Variants in EBF1 observed in about 807,000 individuals in gnomAD.
EBF1 encodes EBF transcription factor 1.
EBF1 carries 10 observed loss-of-function variants against 68.4 expected under a neutral mutation model. The ratio of observed to expected loss-of-function variants is 0.15; its 90% confidence interval spans 0.09 to 0.25. The LOEUF is 0.25. Ranked by LOEUF, EBF1 falls within the 10% of genes least tolerant of loss-of-function variation. The pLI is 1.00. For synonymous variants in EBF1, 298 were observed against 299.8 expected (o/e 0.99, Z 0.06); for missense variants, 509 against 794.4 (o/e 0.64, Z 4.32).
At chr5:158,827,618 T>C (rs1421807636) in intron 7 of EBF1, among the ~76,000 whole-genome samples, 3 of 152,188 alleles carry the variant, frequency 2.0e-5, no homozygotes, top group Admixed American at 6.6e-5. Flanking sequence ...CTTCCCTTCA[T>C]GTCAGGCAGG....
intron 6 of EBF1, among the ~76,000 whole-genome samples, chr5:158,951,711 G>A (rs1816039361): frequency 6.6e-6 from 1 of 152,116 alleles, no homozygotes; most frequent in Non-Finnish European, 1.5e-5. Context: ...TCTCTGATTG[G>A]GACCAAGAGG....
chr5:158,916,796 C>A (rs74845932), intron 6 of EBF1, among the ~76,000 whole-genome samples: 1 of 152,184 alleles, frequency 6.6e-6, no homozygotes, highest in Non-Finnish European at 1.5e-5. Context: ...TTACTCTGGA[C>A]CACCATGACT....
intron 6 of EBF1, among the ~76,000 whole-genome samples, chr5:158,941,902 C>G (rs1167057753): frequency 2.6e-5 from 4 of 152,032 alleles, no homozygotes; most frequent in Non-Finnish European, 5.9e-5. Context: ...AGTGATTCGT[C>G]GGATGGGAAG....
chr5:158,799,637 C>A (rs1269581398), intron 8 of EBF1, among the ~76,000 whole-genome samples: 1 of 152,126 alleles, frequency 6.6e-6, no homozygotes, highest in South Asian at 2.1e-4. Flanking sequence ...ACGAATGCAG[C>A]AGCTCAGGAT....
chr5:158,815,862 G>T (rs551326277), intron 8 of EBF1, among the ~76,000 whole-genome samples: 1 of 152,308 alleles, frequency 6.6e-6, no homozygotes, highest in South Asian at 2.1e-4. Context: ...TTCAAGGAAA[G>T]ACAAAAGGCA....
chr5:159,005,333 AG>A (rs892603238), intron 6 of EBF1, among the ~76,000 whole-genome samples: 1 of 152,226 alleles, frequency 6.6e-6, no homozygotes, highest in East Asian at 1.9e-4. Flanking sequence ...ATTGTCAGTA[AG>A]GGAGAGTGTA....
At chr5:158,945,151 C>T (rs1814372523) in intron 6 of EBF1, among the ~76,000 whole-genome samples, 1 of 152,146 alleles carries the variant, frequency 6.6e-6, no homozygotes, top group Admixed American at 6.5e-5. Flanking sequence ...TTGCCCATGC[C>T]TATGTCCTAA....
chr5:158,860,008 AC>A (rs1794701284), intron 6 of EBF1, among the ~76,000 whole-genome samples: 1 of 152,226 alleles, frequency 6.6e-6, no homozygotes. Context: ...GAATAAATGA[AC>A]ATTAGTCTAA....
At position 158,796,369 on chromosome 5, in the gene EBF1, G is replaced by A. The variant is rs372984461; in HGVS notation, c.885C>T (p.Phe295=). The part of the protein sequence containing the change: ...DNFFDGLQVI[F]GTMLVWSELI... ...CCTCACTCCAGACCAGCATGGTACC[G>A]AATATGACCTGTAACCCATCAAAGA... The change falls in exon 9 of 16, where the codon TTC becomes TTT. Residue 295 remains phenylalanine, a synonymous_variant. Transcript: ENST00000313708. The A allele has an allele frequency of 6.4e-5, 104 of 1,613,192 alleles. No individual in the cohort carries two copies. The highest frequency in any genetic ancestry group is 4.9e-4 in the Middle Eastern group (3 of 6,074).
chr5:158,718,719 C>T (rs1761282999), intron 11 of EBF1, among the ~76,000 whole-genome samples: 1 of 152,166 alleles, frequency 6.6e-6, no homozygotes, highest in Admixed American at 6.5e-5. Flanking sequence ...CAGAGCCTGG[C>T]TCTTGAAAAT....
At chr5:158,784,407 T>C (rs1434373017) in intron 9 of EBF1, among the ~76,000 whole-genome samples, 1 of 152,196 alleles carries the variant, frequency 6.6e-6, no homozygotes, top group African/African-American at 2.4e-5. Context: ...TCTGCAGCTT[T>C]TCCCATACCT....
intron 9 of EBF1, among the ~76,000 whole-genome samples, chr5:158,787,263 C>G (rs73297923): frequency 6.6e-6 from 1 of 152,144 alleles, no homozygotes; most frequent in Admixed American, 6.5e-5. Context: ...ATGAGCTGCA[C>G]AGTAATATAG....
At chr5:158,831,733 C>T (rs182491188) in intron 7 of EBF1, among the ~76,000 whole-genome samples, 47 of 152,242 alleles carry the variant, frequency 3.1e-4, no homozygotes, top group African/African-American at 8.9e-4. Context: ...AACTCCTGGC[C>T]TCAAGTGATC....
chr5:158,735,187 A>G (rs1764919546), intron 10 of EBF1, among the ~76,000 whole-genome samples: 1 of 152,164 alleles, frequency 6.6e-6, no homozygotes, highest in African/African-American at 2.4e-5. Context: ...CCAAAGACAG[A>G]TGAAATCCTC....
chr5:158,822,824 C>T (rs1785152032), intron 8 of EBF1, among the ~76,000 whole-genome samples: 1 of 152,082 alleles, frequency 6.6e-6, no homozygotes, highest in Non-Finnish European at 1.5e-5. Context: ...AATTGTGTGG[C>T]CTTTCCTTAT....
At chr5:159,074,444 A>G (rs2127948344) in intron 5 of EBF1, among the ~76,000 whole-genome samples, 1 of 152,344 alleles carries the variant, frequency 6.6e-6, no homozygotes, top group South Asian at 2.1e-4. Flanking sequence ...CAAAACTTAC[A>G]TTTCACCAAG....
At chr5:158,787,570 TTAGA>T (rs1294490898) in intron 9 of EBF1, among the ~76,000 whole-genome samples, 1 of 152,220 alleles carries the variant, frequency 6.6e-6, no homozygotes, top group Non-Finnish European at 1.5e-5. Flanking sequence ...TACATTCATA[TTAGA>T]TAGTTAAGAG....
At position 158,914,750 on chromosome 5, in the gene EBF1, T is replaced by G. The variant is rs1806791650; in HGVS notation, c.555-74640A>C. Among the ~76,000 whole-genome samples, 3 of 152,212 alleles carry G rather than the reference T, an allele frequency of 2.0e-5. No individual in the cohort carries two copies. In the South Asian group the frequency reaches 6.2e-4, roughly 32 times the overall value. ...AAGGTAGAAGGATGCCAGTACCGAG[T>G]GCCAAAAGATGTGCTCTGGCCCCGG... On this transcript the variant is annotated intron_variant, in intron 6 of 15. Coordinates refer to ENST00000313708, the MANE Select transcript of EBF1 (RefSeq NM_024007.5).
intron 14 of EBF1, 27 bp from the exon 15 acceptor site, chr5:158,708,200 A>G: frequency 6.4e-7 from 1 of 1,553,296 alleles, no homozygotes; most frequent in South Asian, 1.2e-5. Flanking sequence ...GAAAGGAGAA[A>G]TCAGTGCCTT....
Sources: allele counts gnomAD v4.1 joint callset (sites outside exome capture counted in the v4.1 genomes callset), GRCh38; gene constraint gnomAD v4.1.1; transcripts MANE v1.5; gene names NCBI Gene and HGNC (gene_info 2026-07-23, HGNC 2026-07-21).